Variants in DCP1A observed in about 807,000 individuals in gnomAD.
The protein encoded by DCP1A is mRNA-decapping enzyme 1A.
DCP1A carries 20 observed loss-of-function variants against 58.0 expected under a neutral mutation model. The observed-to-expected ratio is 0.34, with a 90% CI of 0.24 to 0.50. The LOEUF is 0.50. Ranked by LOEUF, DCP1A falls within the 20% of genes least tolerant of loss-of-function variation. The probability of loss-of-function intolerance (pLI) is 0.98; values close to 1 mark genes in which losing one functional copy is unlikely to be tolerated. For missense variants in DCP1A, 613 were observed against 712.2 expected (o/e 0.86, Z 1.59); for synonymous variants, 285 against 275.1 (o/e 1.04, Z -0.36).
At chr3:53,299,610 T>TCCC (rs1707247184) in intron 6 of DCP1A, among the ~76,000 whole-genome samples, 4 of 152,060 alleles carry the variant, frequency 2.6e-5, no homozygotes, top group Admixed American at 1.3e-4. Context: ...AAACAAACAA[T>TCCC]AACAAAATAC....
rs781805425 is a variant in DCP1A at position 53,287,557 on chromosome 3, C to A, written c.*23G>T. 1.3e-6 allele frequency: 2 copies of A among 1,545,798 alleles called. No homozygotes were observed. The highest frequency in any genetic ancestry group is 1.8e-6 in the Non-Finnish European group (2 of 1,118,456). ...ATTTGTCTCTGAGGCTGGGGCTCTG[C>A]CTTTAGACTTATTCTGCTCCAGTCA... On this transcript the variant is annotated 3_prime_UTR_variant, in exon 10 of 10. Transcript: ENST00000610213.
intron 3 of DCP1A, among the ~76,000 whole-genome samples, chr3:53,331,098 C>A (rs1269327519): frequency 6.6e-6 from 1 of 152,130 alleles, no homozygotes; most frequent in African/African-American, 2.4e-5. Context: ...ACCTCGTGAT[C>A]CGCCTGGCTT....
chr3:53,347,123 C>T (rs2089300922), intron 1 of DCP1A, among the ~76,000 whole-genome samples: 1 of 152,178 alleles, frequency 6.6e-6, no homozygotes, highest in African/African-American at 2.4e-5. Flanking sequence ...AGACCCGACG[C>T]CAAGGGACTG....
At chr3:53,324,864 A>C (rs1411559184) in intron 3 of DCP1A, among the ~76,000 whole-genome samples, 2 of 152,222 alleles carry the variant, frequency 1.3e-5, no homozygotes, top group East Asian at 3.9e-4. Flanking sequence ...ATTTTTTAAA[A>C]ATTTGTTAAC....
intron 3 of DCP1A, among the ~76,000 whole-genome samples, chr3:53,341,452 T>A (rs1428309740): frequency 6.6e-6 from 1 of 151,936 alleles, no homozygotes; most frequent in Non-Finnish European, 1.5e-5. Context: ...AGACTCCGTC[T>A]CAAAAAAAAG....
intron 3 of DCP1A, among the ~76,000 whole-genome samples, chr3:53,321,774 G>C (rs1707974701): frequency 6.6e-6 from 1 of 152,080 alleles, no homozygotes; most frequent in South Asian, 2.1e-4. Context: ...TCCTAGACCA[G>C]TTATCTTGTC....
intron 3 of DCP1A, among the ~76,000 whole-genome samples, chr3:53,325,896 A>C (rs2106864762): frequency 6.6e-6 from 1 of 152,332 alleles, no homozygotes; most frequent in East Asian, 1.9e-4. Flanking sequence ...GTATATCCGC[A>C]AGAAACTCTG....
Position 53,284,125 on chromosome 3 carries a change from G to C in DCP1A, c.*3455C>G, listed in dbSNP as rs1168207970. 1 of 152,228 alleles carries C rather than the reference G, an allele frequency of 6.6e-6. No homozygotes were observed. Among genetic ancestry groups the C allele is most frequent in the African/African-American group, 2.4e-5 (1 of 41,464 alleles). 9.4% of individuals were successfully genotyped at this position (152,228 alleles called of 1,614,324 possible). A position where few individuals can be genotyped will look rare whatever the true frequency, so the allele number is the denominator to read the frequency against. On this transcript the variant is annotated 3_prime_UTR_variant, in exon 10 of 10. Transcript: ENST00000610213. ...GCAGCAAACGTGCAGCCAGGATGCA[G>C]GATGCGCACCCTAGGATTCCTCAGT...
intron 4 of DCP1A, among the ~76,000 whole-genome samples, chr3:53,316,928 C>T (rs1254331677): frequency 1.3e-5 from 2 of 152,158 alleles, no homozygotes; most frequent in African/African-American, 4.8e-5. Context: ...GGCCTTCAGT[C>T]TTCAGCTTCA....
chr3:53,305,997 A>G (rs1378974645), intron 5 of DCP1A, among the ~76,000 whole-genome samples: 1 of 152,254 alleles, frequency 6.6e-6, no homozygotes, highest in Non-Finnish European at 1.5e-5. Flanking sequence ...TCTGATGAAC[A>G]TCATCCATGC....
In DCP1A at chr3:53,286,222, T is replaced by C. The variant is rs1277122212; in HGVS notation, c.*1358A>G. On this transcript the variant is annotated 3_prime_UTR_variant, in exon 10 of 10. Coordinates refer to ENST00000610213, the MANE Select transcript of DCP1A (RefSeq NM_018403.7). ...GGAACCATCATATCTGTCAGCATTA[T>C]TCACAGCTAATCCTTATGCTAGCTG... The C allele has an allele frequency of 6.6e-6, 1 of 152,248 alleles. No individual in the cohort carries two copies. Among genetic ancestry groups the C allele is most frequent in the African/African-American group, 2.4e-5 (1 of 41,476 alleles). The allele number at this position is 152,248 out of a possible 1,614,324, so 9.4% of individuals were successfully genotyped here. A position where few individuals can be genotyped will look rare whatever the true frequency, so the allele number is the denominator to read the frequency against.
chr3:53,299,042 T>C (rs1417888763), intron 6 of DCP1A, among the ~76,000 whole-genome samples: 8 of 152,206 alleles, frequency 5.3e-5, no homozygotes, highest in Non-Finnish European at 1.5e-5. Flanking sequence ...AAAGTATAAA[T>C]ACACTCTATG....
chr3:53,301,955 C>A (rs901859927), intron 6 of DCP1A, among the ~76,000 whole-genome samples: 4 of 152,000 alleles, frequency 2.6e-5, no homozygotes, highest in African/African-American at 9.7e-5. Flanking sequence ...ATGGCGGGAT[C>A]GGGGAGGCAG....
chr3:53,331,585 T>G (rs147471324), intron 3 of DCP1A, among the ~76,000 whole-genome samples: 1 of 150,438 alleles, frequency 6.6e-6, no homozygotes, highest in Non-Finnish European at 1.5e-5. Flanking sequence ...AAGTACACTC[T>G]ATGATGTGCA....
At chr3:53,313,845 T>C (rs1707722183) in intron 4 of DCP1A, among the ~76,000 whole-genome samples, 2 of 152,084 alleles carry the variant, frequency 1.3e-5, no homozygotes. Context: ...TTAAAAATAC[T>C]GGGTTAAACA....
At chr3:53,300,103 T>C (rs1707263804) in intron 6 of DCP1A, among the ~76,000 whole-genome samples, 1 of 151,834 alleles carries the variant, frequency 6.6e-6, no homozygotes, top group African/African-American at 2.4e-5. Flanking sequence ...CCTGACCTCA[T>C]GATCTGCCTG....
intron 3 of DCP1A, among the ~76,000 whole-genome samples, chr3:53,332,661 G>A (rs905136532): frequency 1.9e-4 from 29 of 152,058 alleles, no homozygotes; most frequent in African/African-American, 6.5e-4. Flanking sequence ...TCAGGAGATC[G>A]AGACCATCCT....
At chr3:53,290,494 G>C in intron 8 of DCP1A, 1 of 555,790 alleles carries the variant, frequency 1.8e-6, no homozygotes, top group South Asian at 2.2e-5. Context: ...GACTCTGCCA[G>C]GACGGGGTGG....
In DCP1A at chr3:53,338,754, G is replaced by A. The variant is rs563480303; in HGVS notation, c.304+3390C>T. Among the ~76,000 whole-genome samples the A allele has an allele frequency of 2.6e-5, 4 of 151,624 alleles. No homozygotes were observed. The East Asian group carries it at 7.8e-4, about 29-fold the overall frequency. Reference sequence around the variant, plus strand: ...TGGGCGCCTGTAGTCCCAGCTACTCGGGAGGCTGAGGCAGGAGAATGGCGT... The same window carrying A: ...TGGGCGCCTGTAGTCCCAGCTACTCAGGAGGCTGAGGCAGGAGAATGGCGT... On this transcript the variant is annotated intron_variant, in intron 3 of 9. Transcript: ENST00000610213.
Sources: allele counts gnomAD v4.1 joint callset (sites outside exome capture counted in the v4.1 genomes callset), GRCh38; gene constraint gnomAD v4.1.1; transcripts MANE v1.5; gene names NCBI Gene and HGNC (gene_info 2026-07-23, HGNC 2026-07-21).